The following CCDC30 variants were observed in gnomAD, a reference collection of about 807,000 sequenced individuals.
CCDC30 encodes coiled-coil domain containing 30.
In CCDC30, 70 loss-of-function variants were observed where a neutral mutation model predicts 100.2. That is an observed-to-expected ratio of 0.70 (90% CI 0.58 to 0.85). The LOEUF is 0.85. Ranked by LOEUF, CCDC30 falls within the 40% of genes least tolerant of loss-of-function variation. The pLI is 0.00. For synonymous variants in CCDC30, 233 were observed against 269.5 expected, an observed-to-expected ratio of 0.86 and a Z score of 1.33; for missense variants, 652 against 771.2, an observed-to-expected ratio of 0.85 and a Z score of 1.83.
intron 6 of CCDC30, chr1:42,542,958 A>G (rs1645045745): frequency 6.5e-6 from 1 of 153,324 alleles, no homozygotes; most frequent in Non-Finnish European, 1.5e-5. Context: ...CATTTTTACA[A>G]TGACCACAAA....
At chr1:42,568,981 T>G (rs1007961428) in intron 7 of CCDC30, 40 of 151,380 alleles carry the variant, frequency 2.6e-4, no homozygotes, top group African/African-American at 9.4e-4. Context: ...TTATCAAACT[T>G]GAGTATCTAG....
chr1:42,581,409 C>G (rs375870892), exon 9 of CCDC30: 2 of 1,613,516 alleles, frequency 1.2e-6, no homozygotes, highest in African/African-American at 2.7e-5. Context: ...GTCTGTCTCA[C>G]AGACACTTGT....
At chr1:42,588,314 T>C (rs566418759) in intron 9 of CCDC30, among the ~76,000 whole-genome samples, 2 of 152,108 alleles carry the variant, frequency 1.3e-5, no homozygotes, top group Non-Finnish European at 2.9e-5. Flanking sequence ...AGGGAAAATT[T>C]CCCCTCCCCT....
intron 10 of CCDC30, among the ~76,000 whole-genome samples, chr1:42,601,564 G>C (rs951712148): frequency 1.3e-5 from 2 of 152,130 alleles, no homozygotes; most frequent in Admixed American, 1.3e-4. Context: ...AATCCAGGAT[G>C]GGCAGCACTG....
chr1:42,568,575 C>G (rs890979392), intron 7 of CCDC30, among the ~76,000 whole-genome samples: 1 of 152,106 alleles, frequency 6.6e-6, no homozygotes, highest in African/African-American at 2.4e-5. Flanking sequence ...TATTACACCC[C>G]TCCTCAATTT....
Position 42,531,734 on chromosome 1 carries a change from CTGAA to C in CCDC30, c.456+32822_456+32825del, listed in dbSNP as rs1343925475. Among the ~76,000 whole-genome samples the C allele has an allele frequency of 9.2e-5, 14 of 152,150 alleles. 1 individual carries two copies. The highest frequency in any genetic ancestry group is 3.4e-4 in the African/African-American group (14 of 41,530). The stretch of plus-strand genomic sequence containing the variant: ...TGTGATCATACAACTGCACTTCAGC[CTGAA>C]TGATAGTGAGATCATACTATATATA... On this transcript the variant is annotated intron_variant, in intron 6 of 16. Transcript: ENST00000668663.
At chr1:42,642,576 G>T in exon 13 of CCDC30, 1 of 1,600,888 alleles carries the variant, frequency 6.2e-7, no homozygotes, top group South Asian at 1.1e-5. Flanking sequence ...TTGATCCACA[G>T]CAACAAATGG....
At chr1:42,585,599 G>A (rs927916054) in intron 9 of CCDC30, among the ~76,000 whole-genome samples, 2 of 151,608 alleles carry the variant, frequency 1.3e-5, no homozygotes, top group African/African-American at 4.8e-5. Flanking sequence ...GGCTTATAAT[G>A]TTCTTCTTTC....
chr1:42,546,149 G>A (rs1570001795), intron 6 of CCDC30, among the ~76,000 whole-genome samples: 1 of 151,198 alleles, frequency 6.6e-6, no homozygotes, highest in African/African-American at 2.4e-5. Flanking sequence ...ACTTTGGGAG[G>A]CCAAGGCGGG....
chr1:42,564,326 G>GT (rs112980392), intron 6 of CCDC30, among the ~76,000 whole-genome samples: 3,769 of 151,736 alleles, frequency 0.025, 158 homozygotes, highest in African/African-American at 0.086. Flanking sequence ...CAGGATTTTT[G>GT]TTTTTTTTGA....
upstream of CCDC30, among the ~76,000 whole-genome samples, chr1:42,461,509 T>C (rs1006983698): frequency 2.6e-5 from 4 of 151,388 alleles, no homozygotes; most frequent in African/African-American, 9.7e-5. Flanking sequence ...CTAAATATTT[T>C]ATTTTTCATA....
chr1:42,497,067 G>A (rs780023808), intron 4 of CCDC30, 31 bp from the exon 5 acceptor site: 53 of 1,159,256 alleles, frequency 4.6e-5, no homozygotes, highest in Non-Finnish European at 5.0e-5. Context: ...CTTTGATCCA[G>A]TTGAGTAAAC....
chr1:42,613,293 C>G (rs1308154102), intron 11 of CCDC30, among the ~76,000 whole-genome samples: 1 of 152,130 alleles, frequency 6.6e-6, no homozygotes, highest in Admixed American at 6.5e-5. Context: ...CTCGCTCTGT[C>G]GCCCAGGCTG....
chr1:42,580,022 GGA>G (rs536035473), intron 8 of CCDC30, among the ~76,000 whole-genome samples: 76 of 152,194 alleles, frequency 5.0e-4, no homozygotes, highest in African/African-American at 1.7e-3. Flanking sequence ...TTTCTCTGGT[GGA>G]GAGGGATGAG....
At chr1:42,556,159 C>T (rs149734606) in intron 6 of CCDC30, 29 of 1,606,052 alleles carry the variant, frequency 1.8e-5, no homozygotes, top group Non-Finnish European at 2.3e-5. Flanking sequence ...CACCAAGTCC[C>T]AAATTAGGAG....
chr1:42,458,203 G>A, the CCDC30 span, among the ~76,000 whole-genome samples: 1 of 152,196 alleles, frequency 6.6e-6, no homozygotes, highest in African/African-American at 2.4e-5. Flanking sequence ...GTAGGAGAAT[G>A]AGATAAAGTT....
intron 15 of CCDC30, 75 bp from the exon 20 acceptor site, chr1:42,653,301 A>T (rs1648512785): frequency 1.3e-6 from 1 of 746,590 alleles, no homozygotes; most frequent in African/African-American, 1.8e-5. Context: ...TATTATATAT[A>T]TATTTTTTTC....
rs201456050 is a variant in CCDC30 at position 42,476,707 on chromosome 1, T to A, written c.-91-3754T>A. Among the ~76,000 whole-genome samples the A allele has an allele frequency of 3.4e-3, 499 of 146,158 alleles. 3 individuals carry two copies. The highest frequency in any genetic ancestry group is 0.012 in the African/African-American group (481 of 40,714). Reference sequence around the variant, plus strand: ...CTCCTTCTCAAAAAAAAAAAAAAGATAAAAAAATTAGGTGCTGTTATTATA... The same window carrying A: ...CTCCTTCTCAAAAAAAAAAAAAAGAAAAAAAAATTAGGTGCTGTTATTATA... On this transcript the variant is annotated intron_variant, in intron 1 of 16. Transcript: ENST00000668663.
At chr1:42,459,440 C>A, upstream of CCDC30, 1 of 680,324 alleles carries the variant, frequency 1.5e-6, no homozygotes, top group Non-Finnish European at 2.4e-6. Flanking sequence ...GGATTACAGG[C>A]CAAGCCACTG....
Sources: allele counts gnomAD v4.1 joint callset (sites outside exome capture counted in the v4.1 genomes callset), GRCh38; gene constraint gnomAD v4.1.1; transcripts MANE v1.5; gene names NCBI Gene and HGNC (gene_info 2026-07-23, HGNC 2026-07-21).